FBXO11: variants seen among roughly 807,000 people sequenced by gnomAD.
FBXO11 encodes the protein F-box only protein 11.
A neutral mutation model predicts 117.0 loss-of-function variants in FBXO11; 13 were observed. The ratio of observed to expected loss-of-function variants is 0.11; its 90% CI spans 0.07 to 0.18. The LOEUF (loss-of-function observed/expected upper bound fraction) is 0.18. Among genes scored for constraint, FBXO11 ranks in the 10% least tolerant of loss-of-function variants. The pLI is 1.00. For synonymous variants in FBXO11, 490 were observed against 380.5 expected (o/e 1.29, Z -3.35); for missense variants, 767 against 1,164.4 (o/e 0.66, Z 4.97).
At chr2:47,838,024 A>C (rs1030445897) in intron 4 of FBXO11, among the ~76,000 whole-genome samples, 12 of 150,868 alleles carry the variant, frequency 8.0e-5, no homozygotes, top group African/African-American at 2.9e-4. Context: ...CCAGGAGTTC[A>C]AGATCAGACT....
intron 13 of FBXO11, among the ~76,000 whole-genome samples, chr2:47,820,865 G>C (rs564509200): frequency 3.9e-5 from 6 of 152,288 alleles, no homozygotes; most frequent in African/African-American, 1.4e-4. Context: ...CCTATACTTA[G>C]TAAAGCTTTA....
Position 47,833,021 on chromosome 2 carries a change from T to G in FBXO11, c.984A>C (p.Ser328=), listed in dbSNP as rs754194683. The G allele has an allele frequency of 6.2e-7, 1 of 1,613,866 alleles. No individual in the cohort carries two copies. Among genetic ancestry groups the G allele is most frequent in the East Asian group, 2.2e-5 (1 of 44,842 alleles). The part of the protein sequence containing the change: ...DKVIIENTRD[S]TFVFMEGSED... Reference sequence around the variant, plus strand: ...CAGAGCCTTCCATAAAAACGAAGGTTGAATCTCTAGTGTTTTCAATTATAA... The same window carrying G: ...CAGAGCCTTCCATAAAAACGAAGGTGGAATCTCTAGTGTTTTCAATTATAA... Residue 328 remains serine, a synonymous_variant, in exon 8 of 23, where the codon TCA becomes TCC. Coordinates refer to ENST00000403359, the MANE Select transcript of FBXO11 (RefSeq NM_001190274.2).
At chr2:47,853,858 A>T (rs1482681333) in intron 1 of FBXO11, among the ~76,000 whole-genome samples, 1 of 152,214 alleles carries the variant, frequency 6.6e-6, no homozygotes, top group Non-Finnish European at 1.5e-5. Flanking sequence ...AAAGTTATCC[A>T]ATTTCATCTT....
intron 1 of FBXO11, among the ~76,000 whole-genome samples, chr2:47,875,388 G>A (rs972578276): frequency 5.3e-5 from 8 of 151,798 alleles, no homozygotes; most frequent in African/African-American, 1.7e-4. Flanking sequence ...TTTTTTATAC[G>A]TTTTTGAAGT....
chr2:47,848,810 A>C (rs1287956339), intron 1 of FBXO11, among the ~76,000 whole-genome samples: 2 of 151,852 alleles, frequency 1.3e-5, no homozygotes, highest in Admixed American at 6.6e-5. Context: ...AACTGTCTTG[A>C]CTCTATTTAT....
At chr2:47,903,911 C>A (rs1678524356) in intron 1 of FBXO11, among the ~76,000 whole-genome samples, 1 of 152,120 alleles carries the variant, frequency 6.6e-6, no homozygotes, top group Admixed American at 6.5e-5. Flanking sequence ...AAAATTTACC[C>A]CCAAAATGGT....
chr2:47,825,445 C>G (rs1420435346), intron 11 of FBXO11, among the ~76,000 whole-genome samples: 2 of 151,752 alleles, frequency 1.3e-5, no homozygotes, highest in Non-Finnish European at 2.9e-5. Flanking sequence ...ACAAAGAGAA[C>G]TTAATACTAG....
At chr2:47,875,882 T>C (rs2103863773) in intron 1 of FBXO11, among the ~76,000 whole-genome samples, 1 of 152,346 alleles carries the variant, frequency 6.6e-6, no homozygotes, top group East Asian at 1.9e-4. Context: ...ATCTATTTTA[T>C]TTCTATTCCT....
At chr2:47,849,560 T>C (rs1341447417) in intron 1 of FBXO11, among the ~76,000 whole-genome samples, 1 of 152,254 alleles carries the variant, frequency 6.6e-6, no homozygotes, top group Non-Finnish European at 1.5e-5. Context: ...ATATTGTATT[T>C]GCTCTTCAAG....
Position 47,838,758 on chromosome 2 carries a change from A to C in FBXO11, c.587+101T>G, listed in dbSNP as rs920758590. 3.8e-6 allele frequency: 4 copies of C among 1,056,020 alleles called. No homozygotes were observed. The African/African-American group carries it at 6.4e-5, about 17-fold the overall frequency. The allele number at this position is 1,056,020 out of a possible 1,614,324, so 65.4% of individuals were successfully genotyped here. ...AAGCATTTTAATTTTGTTCCAACTA[A>C]TTGTAACTACCAACTCACCGCACCG... On this transcript the variant is annotated intron_variant, in intron 4 of 22. Coordinates refer to ENST00000403359, the MANE Select transcript of FBXO11 (RefSeq NM_001190274.2).
chr2:47,827,750 G>GC (rs1249518833), intron 11 of FBXO11, among the ~76,000 whole-genome samples: 1 of 150,886 alleles, frequency 6.6e-6, no homozygotes, highest in Non-Finnish European at 1.5e-5. Flanking sequence ...AGGCTGGAGC[G>GC]CAGTGGTATG....
intron 1 of FBXO11, among the ~76,000 whole-genome samples, chr2:47,861,867 C>G (rs530203535): frequency 6.6e-6 from 1 of 151,860 alleles, no homozygotes; most frequent in African/African-American, 2.4e-5. Flanking sequence ...AAGACAACAG[C>G]AGAAAATCAA....
At chr2:47,843,924 A>G (rs940889175) in intron 1 of FBXO11, among the ~76,000 whole-genome samples, 1 of 152,090 alleles carries the variant, frequency 6.6e-6, no homozygotes, top group Non-Finnish European at 1.5e-5. Flanking sequence ...TATTTTTAAT[A>G]GAGACGGGGT....
chr2:47,881,843 G>T (rs982861587), intron 1 of FBXO11, among the ~76,000 whole-genome samples: 1 of 152,198 alleles, frequency 6.6e-6, no homozygotes, highest in Non-Finnish European at 1.5e-5. Flanking sequence ...TACCTCCCAG[G>T]TTCAAGTGAT....
intron 1 of FBXO11, among the ~76,000 whole-genome samples, chr2:47,884,896 A>G (rs758223372): frequency 2.6e-5 from 4 of 152,192 alleles, no homozygotes; most frequent in African/African-American, 4.8e-5. Flanking sequence ...CTTGTTATGC[A>G]TAATATATTA....
intron 11 of FBXO11, among the ~76,000 whole-genome samples, chr2:47,829,400 C>T (rs1572799076): frequency 6.6e-6 from 1 of 151,648 alleles, no homozygotes; most frequent in Non-Finnish European, 1.5e-5. Context: ...ACCAACACAC[C>T]CGGCTAATTT....
intron 1 of FBXO11, among the ~76,000 whole-genome samples, chr2:47,852,423 T>C (rs1673942662): frequency 6.6e-6 from 1 of 152,206 alleles, no homozygotes; most frequent in Non-Finnish European, 1.5e-5. Context: ...ACATGATTTC[T>C]AGTAATGTTT....
intron 1 of FBXO11, among the ~76,000 whole-genome samples, chr2:47,893,756 T>C (rs1030363797): frequency 3.3e-5 from 5 of 152,146 alleles, no homozygotes; most frequent in African/African-American, 4.8e-5. Flanking sequence ...ATCCTCTAAT[T>C]TAAAGATAAG....
rs552915997 is a variant in FBXO11 at position 47,852,151 on chromosome 2, G to A, written c.233-12382C>T. 8.8e-4 allele frequency among the ~76,000 whole-genome samples: 134 copies of A among 152,078 alleles called. 2 individuals carry two copies. The highest frequency in any genetic ancestry group is 1.7e-3 in the Non-Finnish European group (116 of 67,976). On this transcript the variant is annotated intron_variant, in intron 1 of 22. Transcript: ENST00000403359. ...ATTACAGGCACCTGCCACCACACCC[G>A]GCTAATTTTTGTATTTTTAGTAGAG...
Sources: gnomAD v4.1 joint callset for allele counts (sites outside exome capture counted in the v4.1 genomes callset) on GRCh38, gnomAD v4.1.1 for gene constraint, MANE v1.5 for transcripts, NCBI Gene and HGNC (gene_info 2026-07-23, HGNC 2026-07-21) for gene names.